The following ZNF331 variants were observed in gnomAD, a reference collection of about 807,000 sequenced individuals.
ZNF331 encodes the protein zinc finger protein 331, also known as C2H2-like zinc finger protein rearranged in thyroid adenomas.
Under a neutral mutation model 7.0 loss-of-function variants are expected in ZNF331, and 2 were observed. That is an observed-to-expected ratio of 0.29 (90% CI 0.12 to 0.90). The LOEUF is 0.90. Among genes scored for constraint, ZNF331 ranks in the 40% least tolerant of loss-of-function variants. ZNF331 has a pLI of 0.58. For missense variants in ZNF331, 432 were observed against 587.7 expected (o/e 0.74, Z 2.74); for synonymous variants, 196 against 205.4 (o/e 0.95, Z 0.39).
chr19:53,510,706 A>G, the ZNF331 span, among the ~76,000 whole-genome samples: 2 of 151,990 alleles, frequency 1.3e-5, no homozygotes, highest in East Asian at 1.9e-4. Flanking sequence ...ATAACTCCCA[A>G]CTGAATGTAT....
At chr19:53,555,047 G>A (rs1165567174) in intron 2 of ZNF331, among the ~76,000 whole-genome samples, 2 of 152,214 alleles carry the variant, frequency 1.3e-5, no homozygotes, top group African/African-American at 4.8e-5. Flanking sequence ...AGTGTGTGCT[G>A]TGGTGAGGCT....
At chr19:53,534,382 G>A (rs949663530), upstream of ZNF331, among the ~76,000 whole-genome samples, 2 of 152,116 alleles carry the variant, frequency 1.3e-5, no homozygotes, top group African/African-American at 4.8e-5. Flanking sequence ...CCACCTCCCA[G>A]ATTCAAGCGA....
At chr19:53,511,940 A>G in the ZNF331 span, 1 of 152,112 alleles carries the variant, frequency 6.6e-6, no homozygotes, top group Non-Finnish European at 1.5e-5. Context: ...CGTTCAAGTT[A>G]TTTTCCTATT....
At chr19:53,576,655 T>C in intron 5 of ZNF331, 42 bp from the exon 6 acceptor site, 1 of 1,539,258 alleles carries the variant, frequency 6.5e-7, no homozygotes, top group South Asian at 1.3e-5. Flanking sequence ...CGTTTGTACT[T>C]GTGTCCCTCT....
chr19:53,540,735 C>T (rs1165214249), intron 2 of ZNF331, among the ~76,000 whole-genome samples: 2 of 151,848 alleles, frequency 1.3e-5, no homozygotes, highest in African/African-American at 4.8e-5. Flanking sequence ...CGAGCCTGCC[C>T]TGTGGGAGGT....
rs1164310911 is a variant in ZNF331 at position 53,550,640 on chromosome 19, G to A, written c.-137-5205G>A. 2.9e-5 allele frequency among the ~76,000 whole-genome samples: 4 copies of A among 138,552 alleles called. 1 individual carries two copies. In the South Asian group the frequency reaches 7.3e-4, roughly 25 times the overall value. The allele number at this position is 138,552 out of a possible 152,430, so 90.9% of individuals were successfully genotyped here. ...CAACTTCCGCCTCCCAAGTTCAAGC[G>A]ATTCTCCTGCCTCAGCCTCCCGAGT... On this transcript the variant is annotated intron_variant, in intron 2 of 5. Transcript: ENST00000449416.
upstream of ZNF331, among the ~76,000 whole-genome samples, chr19:53,519,059 C>A (rs1305740801): frequency 1.3e-5 from 2 of 152,182 alleles, no homozygotes; most frequent in Admixed American, 1.3e-4. Flanking sequence ...AAGATGGAGT[C>A]TTTTTCTAAG....
chr19:53,505,489 A>G, the ZNF331 span, among the ~76,000 whole-genome samples: 1 of 152,156 alleles, frequency 6.6e-6, no homozygotes, highest in Non-Finnish European at 1.5e-5. Context: ...GTGAGCCACC[A>G]TACCTGGACT....
chr19:53,552,495 A>G (rs1477709265), intron 2 of ZNF331, among the ~76,000 whole-genome samples: 2 of 151,992 alleles, frequency 1.3e-5, no homozygotes, highest in African/African-American at 4.8e-5. Context: ...AAGGAGGCAG[A>G]TTGCTTGAGC....
At chr19:53,536,837 A>C (rs1416210207), upstream of ZNF331, among the ~76,000 whole-genome samples, 1 of 152,210 alleles carries the variant, frequency 6.6e-6, no homozygotes, top group East Asian at 1.9e-4. Flanking sequence ...CAGGAGGCGG[A>C]GGTTGCAGTG....
At chr19:53,555,734 C>T (rs999161775) in intron 2 of ZNF331, 111 bp from the exon 3 acceptor site, 2 of 152,164 alleles carry the variant, frequency 1.3e-5, no homozygotes, top group African/African-American at 2.4e-5. Context: ...ATCTCAGTTA[C>T]CACAGCGTGC....
chr19:53,526,698 G>A (rs372056114), intron 2 of ZNF331, among the ~76,000 whole-genome samples: 5 of 151,630 alleles, frequency 3.3e-5, no homozygotes, highest in South Asian at 2.1e-4. Context: ...GACTACAGGC[G>A]CCTGTCACTG....
intron 2 of ZNF331, among the ~76,000 whole-genome samples, chr19:53,527,045 C>A (rs1254291337): frequency 1.3e-5 from 2 of 151,836 alleles, no homozygotes; most frequent in East Asian, 3.9e-4. Context: ...AAAAATTAGC[C>A]AGGCATGGTG....
upstream of ZNF331, among the ~76,000 whole-genome samples, chr19:53,537,920 G>C (rs1049663636): frequency 2.6e-5 from 4 of 151,992 alleles, no homozygotes; most frequent in Non-Finnish European, 5.9e-5. Context: ...GCACACGCCC[G>C]TCAGGGTCTG....
At chr19:53,564,222 T>C (rs1184951321) in intron 3 of ZNF331, among the ~76,000 whole-genome samples, 1 of 151,830 alleles carries the variant, frequency 6.6e-6, no homozygotes, top group Non-Finnish European at 1.5e-5. Context: ...CATCCAAGCC[T>C]GTGTCCTTAA....
chr19:53,546,436 G>A (rs1228150517), intron 2 of ZNF331, among the ~76,000 whole-genome samples: 2 of 151,750 alleles, frequency 1.3e-5, no homozygotes, highest in African/African-American at 4.8e-5. Context: ...CCCCCTGGTT[G>A]ACCAGCCCTC....
chr19:53,557,833 GCA>G (rs1568507824), intron 3 of ZNF331, among the ~76,000 whole-genome samples: 1 of 152,098 alleles, frequency 6.6e-6, no homozygotes, highest in East Asian at 1.9e-4. Context: ...GTGTGGTGGC[GCA>G]TGCCTGTAAT....
intron 2 of ZNF331, among the ~76,000 whole-genome samples, chr19:53,530,325 C>T (rs2087487399): frequency 6.6e-6 from 1 of 150,590 alleles, no homozygotes. Context: ...CACCAGGCCC[C>T]ACCTCCAGCA....
chr19:53,527,449 G>T (rs1395974695), intron 2 of ZNF331, among the ~76,000 whole-genome samples: 1 of 152,166 alleles, frequency 6.6e-6, no homozygotes, highest in Non-Finnish European at 1.5e-5. Flanking sequence ...AAGATAGGGA[G>T]ATTATCCTGA....
Sources: allele counts gnomAD v4.1 joint callset (sites outside exome capture counted in the v4.1 genomes callset), GRCh38; gene constraint gnomAD v4.1.1; transcripts MANE v1.5; gene names NCBI Gene and HGNC (gene_info 2026-07-23, HGNC 2026-07-21).